ZFPM2: variants seen among roughly 807,000 people sequenced by gnomAD.
ZFPM2 encodes zinc finger protein, FOG family member 2, also known as zinc finger protein ZFPM2.
Under a neutral mutation model 98.6 loss-of-function variants are expected in ZFPM2, and 20 were observed. The ratio of observed to expected loss-of-function variants is 0.20; its 90% CI spans 0.14 to 0.29. ZFPM2 has a LOEUF of 0.29. Ranked by LOEUF, ZFPM2 falls within the 10% of genes least tolerant of loss-of-function variation. ZFPM2 has a pLI of 1.00. For missense variants in ZFPM2, 1,310 were observed against 1,388.6 expected (o/e 0.94, Z 0.90); for synonymous variants, 518 against 502.7 (o/e 1.03, Z -0.41).
chr8:105,625,970 G>GAAA (rs200898545), intron 4 of ZFPM2, among the ~76,000 whole-genome samples: 10,270 of 140,912 alleles, frequency 0.073, 372 homozygotes, highest in Admixed American at 0.097. Context: ...TCTATTTTCT[G>GAAA]GAAAAAAAAA....
rs1381246849 is a variant in ZFPM2 at position 105,333,803 on chromosome 8, T to C, written c.40+14822T>C. ...CAAAGACTCGTAAAATGAAAAAAAA[T>C]CAGTATGGCATGTACCTATTTGTAA... On this transcript the variant is annotated intron_variant, in intron 1 of 7. Coordinates refer to ENST00000407775, the MANE Select transcript of ZFPM2 (RefSeq NM_012082.4). Among the ~76,000 whole-genome samples the C allele has an allele frequency of 4.6e-5, 7 of 150,870 alleles. No individual in the cohort carries two copies. In the East Asian group the frequency reaches 1.4e-3, roughly 30 times the overall value.
chr8:105,410,234 T>A (rs1337424913), intron 1 of ZFPM2, among the ~76,000 whole-genome samples: 1 of 151,956 alleles, frequency 6.6e-6, no homozygotes, highest in Non-Finnish European at 1.5e-5. Context: ...CCCCCTCACA[T>A]CTTTGTAGTG....
chr8:105,391,028 C>T (rs1811096506), intron 1 of ZFPM2, among the ~76,000 whole-genome samples: 1 of 152,164 alleles, frequency 6.6e-6, no homozygotes, highest in Non-Finnish European at 1.5e-5. Flanking sequence ...GACTCCATAG[C>T]ATAAATGTGA....
chr8:105,516,343 T>C (rs1171985230), intron 3 of ZFPM2, among the ~76,000 whole-genome samples: 1 of 152,152 alleles, frequency 6.6e-6, no homozygotes, highest in Non-Finnish European at 1.5e-5. Context: ...TGAGAAGGAA[T>C]AGATTCTGGG....
At chr8:105,646,333 G>A (rs1817046026) in intron 5 of ZFPM2, among the ~76,000 whole-genome samples, 1 of 152,136 alleles carries the variant, frequency 6.6e-6, no homozygotes, top group African/African-American at 2.4e-5. Flanking sequence ...AAAGGGAGGG[G>A]TAGTGTCGGG....
At chr8:105,344,242 C>G (rs1401599092) in intron 1 of ZFPM2, among the ~76,000 whole-genome samples, 1 of 152,082 alleles carries the variant, frequency 6.6e-6, no homozygotes, top group African/African-American at 2.4e-5. Context: ...TATCACCTAT[C>G]AAATCCTTAT....
At chr8:105,535,136 G>A (rs916396844) in intron 3 of ZFPM2, among the ~76,000 whole-genome samples, 6 of 152,112 alleles carry the variant, frequency 3.9e-5, no homozygotes, top group Non-Finnish European at 8.8e-5. Flanking sequence ...TTTGCCATTG[G>A]CCTCCTTCCC....
chr8:105,579,341 A>G (rs1490792613), intron 4 of ZFPM2, among the ~76,000 whole-genome samples: 1 of 152,202 alleles, frequency 6.6e-6, no homozygotes, highest in Non-Finnish European at 1.5e-5. Flanking sequence ...ATTTTTAAAA[A>G]GAACTTACTT....
chr8:105,489,447 T>C (rs1813309508), intron 3 of ZFPM2, among the ~76,000 whole-genome samples: 1 of 71,026 alleles, frequency 1.4e-5, no homozygotes, highest in South Asian at 5.5e-4. Flanking sequence ...GATATATGTT[T>C]TTATATATAT....
In ZFPM2 at chr8:105,489,447, T is replaced by TA. The variant is rs1176810817; in HGVS notation, c.301+45066_301+45067insA. 1.5e-3 allele frequency among the ~76,000 whole-genome samples: 104 copies of TA among 70,938 alleles called. 5 individuals carry two copies. The highest frequency in any genetic ancestry group is 5.0e-3 in the African/African-American group (96 of 19,084). The allele number at this position is 70,938 out of a possible 152,430, so 46.5% of individuals were successfully genotyped here. ...TTATATATATTTATAGATATATGTT[T>TA]TTATATATATATATATATATTTTTT... On this transcript the variant is annotated intron_variant, in intron 3 of 7. Coordinates refer to ENST00000407775, the MANE Select transcript of ZFPM2 (RefSeq NM_012082.4).
intron 4 of ZFPM2, among the ~76,000 whole-genome samples, chr8:105,623,347 C>G (rs890590677): frequency 2.0e-5 from 3 of 152,106 alleles, no homozygotes; most frequent in Admixed American, 6.6e-5. Flanking sequence ...CCATAGACTT[C>G]TTCCATTAAC....
intron 1 of ZFPM2, among the ~76,000 whole-genome samples, chr8:105,353,627 G>A (rs1182693703): frequency 1.3e-5 from 2 of 152,258 alleles, no homozygotes; most frequent in South Asian, 4.1e-4. Flanking sequence ...GGCAATAGTA[G>A]CTAATTAGCA....
At chr8:105,506,589 A>C (rs7016378) in intron 3 of ZFPM2, among the ~76,000 whole-genome samples, 27,004 of 152,182 alleles carry the variant, frequency 0.18, 2,477 homozygotes, top group East Asian at 0.26. Flanking sequence ...AATGACATTA[A>C]ATAAAATTGC....
chr8:105,478,146 C>T (rs1053861726), intron 3 of ZFPM2, among the ~76,000 whole-genome samples: 3 of 152,176 alleles, frequency 2.0e-5, no homozygotes, highest in African/African-American at 7.2e-5. Context: ...ATGCGGCTGA[C>T]CACGGGAATG....
intron 3 of ZFPM2, among the ~76,000 whole-genome samples, chr8:105,521,792 G>T (rs377002437): frequency 6.6e-6 from 1 of 152,124 alleles, no homozygotes. Flanking sequence ...GGTCAGGCTG[G>T]TCTCAAACTC....
chr8:105,594,430 G>A (rs1815919153), intron 4 of ZFPM2, among the ~76,000 whole-genome samples: 1 of 152,046 alleles, frequency 6.6e-6, no homozygotes, highest in African/African-American at 2.4e-5. Context: ...GATACATTAA[G>A]TATTTACTAC....
chr8:105,377,680 T>C (rs111412066), intron 1 of ZFPM2, among the ~76,000 whole-genome samples: 44 of 149,666 alleles, frequency 2.9e-4, no homozygotes, highest in African/African-American at 1.1e-3. Context: ...CTCGAGAGGC[T>C]GAGGCATGAG....
chr8:105,643,443 C>T (rs1816983060), intron 5 of ZFPM2, among the ~76,000 whole-genome samples: 1 of 151,964 alleles, frequency 6.6e-6, no homozygotes, highest in African/African-American at 2.4e-5. Context: ...CTTTACTGGC[C>T]TGGTAATTCC....
chr8:105,473,993 C>T (rs1277639159), intron 3 of ZFPM2, among the ~76,000 whole-genome samples: 1 of 152,188 alleles, frequency 6.6e-6, no homozygotes, highest in Non-Finnish European at 1.5e-5. Flanking sequence ...GCTCTGCTGC[C>T]TTAAACAGGC....
Sources: allele counts gnomAD v4.1 joint callset (sites outside exome capture counted in the v4.1 genomes callset), GRCh38; gene constraint gnomAD v4.1.1; transcripts MANE v1.5; gene names NCBI Gene and HGNC (gene_info 2026-07-23, HGNC 2026-07-21).